Variants in CDH13 observed in about 807,000 individuals in gnomAD.
CDH13 encodes cadherin-13.
CDH13 carries 24 observed loss-of-function variants against 63.8 expected under a neutral mutation model. That is an observed-to-expected ratio of 0.38 (90% CI 0.27 to 0.53). The LOEUF (loss-of-function observed/expected upper bound fraction) is 0.53. Ranked by LOEUF, CDH13 falls within the 20% of genes least tolerant of loss-of-function variation. CDH13 has a pLI of 0.85. For synonymous variants in CDH13, 503 were observed against 355.3 expected (o/e 1.42, Z -4.67); for missense variants, 1,049 against 903.1 (o/e 1.16, Z -2.07).
At chr16:83,687,150 T>G (rs1598479834) in intron 10 of CDH13, among the ~76,000 whole-genome samples, 1 of 151,906 alleles carries the variant, frequency 6.6e-6, no homozygotes. Flanking sequence ...GAGGTGGAGG[T>G]TGCAGTGAGC....
chr16:82,983,162 G>A (rs1025637944), intron 2 of CDH13, among the ~76,000 whole-genome samples: 10 of 152,196 alleles, frequency 6.6e-5, no homozygotes, highest in Non-Finnish European at 1.3e-4. Context: ...TCATTCAACA[G>A]CTGATCTTGG....
chr16:83,774,039 G>A (rs1478199341), intron 11 of CDH13, among the ~76,000 whole-genome samples: 2 of 152,184 alleles, frequency 1.3e-5, no homozygotes, highest in East Asian at 1.9e-4. Context: ...CTGTCCCCAT[G>A]TGGAGCCCAG....
intron 2 of CDH13, among the ~76,000 whole-genome samples, chr16:83,027,077 C>A (rs1199096759): frequency 1.3e-5 from 2 of 151,334 alleles, no homozygotes; most frequent in Admixed American, 1.3e-4. Context: ...TGTCGGCAGC[C>A]TCTTGCTCAC....
chr16:82,969,462 C>G (rs1420212080), intron 2 of CDH13, among the ~76,000 whole-genome samples: 3 of 136,836 alleles, frequency 2.2e-5, no homozygotes, highest in Admixed American at 1.5e-4. Context: ...TTTTCTCTGG[C>G]TATTTTCTGC....
chr16:82,710,532 CAAA>C (rs71913517), intron 1 of CDH13, among the ~76,000 whole-genome samples: 84 of 55,866 alleles, frequency 1.5e-3, no homozygotes, highest in African/African-American at 3.4e-3. Context: ...GACTCTGTCT[CAAA>C]AAAAAAAAAA....
intron 4 of CDH13, among the ~76,000 whole-genome samples, chr16:83,132,028 C>T (rs768281933): frequency 6.6e-6 from 1 of 152,216 alleles, no homozygotes; most frequent in East Asian, 1.9e-4. Flanking sequence ...AGAGGTCTCA[C>T]TGCATCCAGA....
chr16:83,456,191 C>T (rs555525114), intron 6 of CDH13, among the ~76,000 whole-genome samples: 1 of 152,366 alleles, frequency 6.6e-6, no homozygotes, highest in African/African-American at 2.4e-5. Flanking sequence ...GCAAACAAGG[C>T]AGACACATTC....
At chr16:83,749,841 G>A (rs113274150) in intron 11 of CDH13, among the ~76,000 whole-genome samples, 1 of 152,144 alleles carries the variant, frequency 6.6e-6, no homozygotes, top group East Asian at 1.9e-4. Flanking sequence ...CAGCCTGGGG[G>A]GTAGTCATGG....
At chr16:83,230,753 C>G (rs1047138717) in intron 5 of CDH13, among the ~76,000 whole-genome samples, 1 of 152,184 alleles carries the variant, frequency 6.6e-6, no homozygotes, top group African/African-American at 2.4e-5. Flanking sequence ...TGCCATTGCT[C>G]TCCAGTCTGG....
intron 3 of CDH13, among the ~76,000 whole-genome samples, chr16:83,036,625 G>A (rs184031309): frequency 1.3e-5 from 2 of 152,196 alleles, no homozygotes; most frequent in Admixed American, 6.5e-5. Flanking sequence ...TCTTCCCGTG[G>A]CTGAACCTGA....
chr16:83,107,320 G>A (rs1414493655), intron 3 of CDH13, among the ~76,000 whole-genome samples: 1 of 86,400 alleles, frequency 1.2e-5, no homozygotes, highest in African/African-American at 4.9e-5. Context: ...GGGGTTGGTG[G>A]TGGTTGTGGT....
chr16:82,970,953 A>G (rs896163985), intron 2 of CDH13, among the ~76,000 whole-genome samples: 1 of 152,250 alleles, frequency 6.6e-6, no homozygotes, highest in African/African-American at 2.4e-5. Context: ...TGAATGTACA[A>G]ATAAATGTTT....
chr16:83,399,241 T>C (rs1445663279), intron 6 of CDH13, among the ~76,000 whole-genome samples: 1 of 152,234 alleles, frequency 6.6e-6, no homozygotes, highest in Non-Finnish European at 1.5e-5. Context: ...TGGGTGATAA[T>C]ATTTTGTCCT....
chr16:83,252,271 CTTT>C (rs59464826), intron 5 of CDH13, among the ~76,000 whole-genome samples: 1 of 138,952 alleles, frequency 7.2e-6, no homozygotes. Context: ...TCTTTTTTTT[CTTT>C]TTTTTTTTCA....
At chr16:82,660,281 A>C (rs1759669583) in intron 1 of CDH13, among the ~76,000 whole-genome samples, 1 of 152,132 alleles carries the variant, frequency 6.6e-6, no homozygotes, top group Non-Finnish European at 1.5e-5. Context: ...ATGCAAGTAA[A>C]ATGATCACAC....
chr16:83,389,168 T>G (rs1044453338), intron 6 of CDH13, among the ~76,000 whole-genome samples: 2 of 152,238 alleles, frequency 1.3e-5, no homozygotes, highest in African/African-American at 4.8e-5. Context: ...CTTTTCATTT[T>G]TTAATTAAAG....
At chr16:83,523,481 C>T (rs948079699) in intron 7 of CDH13, among the ~76,000 whole-genome samples, 1 of 152,064 alleles carries the variant, frequency 6.6e-6, no homozygotes, top group Non-Finnish European at 1.5e-5. Context: ...AAGAGAAACT[C>T]ACCTCCCACC....
chr16:82,896,253 G>A (rs75209113), intron 2 of CDH13, among the ~76,000 whole-genome samples: 3,185 of 136,148 alleles, frequency 0.023, 122 homozygotes, highest in African/African-American at 0.08. Context: ...GATAGTCTGA[G>A]TCTTCTGAGA....
intron 1 of CDH13, among the ~76,000 whole-genome samples, chr16:82,835,262 G>A (rs939890539): frequency 8.5e-5 from 13 of 152,276 alleles, no homozygotes; most frequent in African/African-American, 2.9e-4. Context: ...ACATGTGACC[G>A]GTGGCTGCCG....
Sources: gnomAD v4.1 joint callset for allele counts (sites outside exome capture counted in the v4.1 genomes callset) on GRCh38, gnomAD v4.1.1 for gene constraint, MANE v1.5 for transcripts, NCBI Gene and HGNC (gene_info 2026-07-23, HGNC 2026-07-21) for gene names.